Variants in ADCY2 observed in about 807,000 individuals in gnomAD.
ADCY2 encodes the protein adenylate cyclase 2, also known as adenylate cyclase type 2.
In ADCY2, 31 loss-of-function variants were observed where a neutral mutation model predicts 125.2. The ratio of observed to expected loss-of-function variants is 0.25; its 90% CI spans 0.19 to 0.33. ADCY2 has a LOEUF of 0.33. ADCY2 is among the 10% of genes least tolerant of loss of function. ADCY2 has a pLI of 1.00. For synonymous variants in ADCY2, 512 were observed against 548.4 expected (o/e 0.93, Z 0.93); for missense variants, 904 against 1,418.2 (o/e 0.64, Z 5.82).
chr5:7,524,489 C>G (rs1201538158), intron 3 of ADCY2, among the ~76,000 whole-genome samples: 21 of 152,184 alleles, frequency 1.4e-4, no homozygotes, highest in Admixed American at 1.4e-3. Flanking sequence ...CAATGTCTTT[C>G]ATCACAAAAG....
intron 4 of ADCY2, among the ~76,000 whole-genome samples, chr5:7,676,650 T>C (rs1399803404): frequency 6.6e-6 from 1 of 152,212 alleles, no homozygotes; most frequent in East Asian, 1.9e-4. Context: ...TTTTAAGGCA[T>C]TTCTAAGAAT....
chr5:7,784,125 T>C (rs1260747245), intron 18 of ADCY2, among the ~76,000 whole-genome samples: 1 of 152,184 alleles, frequency 6.6e-6, no homozygotes, highest in Admixed American at 6.5e-5. Flanking sequence ...CTTTTCATAT[T>C]TGGTATAGCT....
chr5:7,662,045 C>A (rs2973316), intron 4 of ADCY2, among the ~76,000 whole-genome samples: 150,929 of 152,306 alleles, frequency 0.99, 74,796 homozygotes, highest in Middle Eastern at 1. Context: ...AGGTTCTTGG[C>A]ATTCAGATGT....
chr5:7,740,272 T>G (rs1012274393), intron 14 of ADCY2, among the ~76,000 whole-genome samples: 1 of 152,046 alleles, frequency 6.6e-6, no homozygotes, highest in African/African-American at 2.4e-5. Context: ...AAAAGATTTT[T>G]ATTATGATTC....
chr5:7,487,360 AT>A (rs1390198375), intron 2 of ADCY2, among the ~76,000 whole-genome samples: 1 of 152,062 alleles, frequency 6.6e-6, no homozygotes, highest in African/African-American at 2.4e-5. Flanking sequence ...GAAGGTCCAC[AT>A]TCCTCTCCCA....
chr5:7,397,613 C>T (rs1459184063), intron 1 of ADCY2, among the ~76,000 whole-genome samples: 1 of 151,950 alleles, frequency 6.6e-6, no homozygotes, highest in Non-Finnish European at 1.5e-5. Context: ...AATAGCTGTC[C>T]TTGGTATTTG....
intron 2 of ADCY2, among the ~76,000 whole-genome samples, chr5:7,491,412 A>AT (rs1027703646): frequency 4.6e-5 from 7 of 152,076 alleles, no homozygotes; most frequent in African/African-American, 1.7e-4. Flanking sequence ...AATGATATAT[A>AT]TTTTTTATCA....
At chr5:7,505,997 T>G (rs1401353580) in intron 2 of ADCY2, among the ~76,000 whole-genome samples, 1 of 152,174 alleles carries the variant, frequency 6.6e-6, no homozygotes, top group Non-Finnish European at 1.5e-5. Context: ...ACCTTTTTTT[T>G]TTCCCCACTT....
At chr5:7,673,261 A>ATATATATATATAT (rs1579301382) in intron 4 of ADCY2, among the ~76,000 whole-genome samples, 1 of 7,570 alleles carries the variant, frequency 1.3e-4, no homozygotes, top group Non-Finnish European at 2.9e-4. Flanking sequence ...AAAAAAAAAA[A>ATATATATATATAT]AAAAAAAAAT....
intron 2 of ADCY2, among the ~76,000 whole-genome samples, chr5:7,451,274 TG>T (rs565592617): frequency 1.3e-5 from 2 of 152,220 alleles, no homozygotes; most frequent in Non-Finnish European, 2.9e-5. Context: ...TTCATGTTCA[TG>T]GGAGGAAGTC....
intron 3 of ADCY2, among the ~76,000 whole-genome samples, chr5:7,543,169 A>G (rs1304746588): frequency 6.6e-6 from 1 of 151,710 alleles, no homozygotes; most frequent in Non-Finnish European, 1.5e-5. Context: ...ACAAACACAT[A>G]CAACACGTAT....
At chr5:7,788,010 C>T (rs1162368212) in intron 19 of ADCY2, among the ~76,000 whole-genome samples, 4 of 150,010 alleles carry the variant, frequency 2.7e-5, no homozygotes, top group Admixed American at 1.3e-4. Context: ...TTGCATCTAT[C>T]GTTTTAGTTT....
At chr5:7,660,682 C>T (rs906988618) in intron 4 of ADCY2, among the ~76,000 whole-genome samples, 3 of 152,094 alleles carry the variant, frequency 2.0e-5, no homozygotes, top group African/African-American at 4.8e-5. Context: ...GGATCTCAGT[C>T]TTCACTCTTA....
At position 7,673,139 on chromosome 5, in the gene ADCY2, G is replaced by A. The variant is rs911651618; in HGVS notation, c.721-17552G>A. Among the ~76,000 whole-genome samples the A allele has an allele frequency of 4.1e-5, 6 of 144,622 alleles. No individual in the cohort carries two copies. The East Asian group carries it at 8.1e-4, about 20-fold the overall frequency. 94.9% of individuals were successfully genotyped at this position (144,622 alleles called of 152,430 possible). On this transcript the variant is annotated intron_variant, in intron 4 of 24. Transcript: ENST00000338316. Reference sequence around the variant, plus strand: ...TAACAATGGTTGGGTGCAGTGGCTCGTGCCTATAATCCCAGCACTTTGGGA... The same window carrying A: ...TAACAATGGTTGGGTGCAGTGGCTCATGCCTATAATCCCAGCACTTTGGGA...
chr5:7,613,163 A>G (rs1053110794), intron 3 of ADCY2, among the ~76,000 whole-genome samples: 1 of 152,040 alleles, frequency 6.6e-6, no homozygotes, highest in African/African-American at 2.4e-5. Flanking sequence ...ATAATAATAA[A>G]AAAAAAAAGA....
intron 2 of ADCY2, among the ~76,000 whole-genome samples, chr5:7,498,368 C>T (rs151225758): frequency 0.024 from 3,633 of 151,310 alleles, 142 homozygotes; most frequent in African/African-American, 0.084. Flanking sequence ...CCTGCCTCAG[C>T]CTCCCAAGTA....
At chr5:7,575,801 TGCTA>T (rs1736228040) in intron 3 of ADCY2, among the ~76,000 whole-genome samples, 1 of 152,152 alleles carries the variant, frequency 6.6e-6, no homozygotes, top group South Asian at 2.1e-4. Flanking sequence ...CTAACACCAA[TGCTA>T]AAAAAAACCC....
chr5:7,689,677 C>T (rs767647429), intron 4 of ADCY2, among the ~76,000 whole-genome samples: 16 of 151,896 alleles, frequency 1.1e-4, no homozygotes, highest in Non-Finnish European at 1.8e-4. Flanking sequence ...GAAGCAAATC[C>T]GAGCTTCCCC....
chr5:7,439,518 T>C (rs73044527), intron 2 of ADCY2, among the ~76,000 whole-genome samples: 2,955 of 110,876 alleles, frequency 0.027, 91 homozygotes, highest in African/African-American at 0.098. Context: ...CATAGCCAAA[T>C]TGGGTTAAGA....
Sources: gnomAD v4.1 joint callset for allele counts (sites outside exome capture counted in the v4.1 genomes callset) on GRCh38, gnomAD v4.1.1 for gene constraint, MANE v1.5 for transcripts, NCBI Gene and HGNC (gene_info 2026-07-23, HGNC 2026-07-21) for gene names.